Variants in AP3B1 observed in about 807,000 individuals in gnomAD.
The protein encoded by AP3B1 is AP-3 complex subunit beta-1.
Under a neutral mutation model 132.5 loss-of-function variants are expected in AP3B1, and 61 were observed. The ratio of observed to expected loss-of-function variants is 0.46; its 90% CI spans 0.37 to 0.57. The LOEUF is 0.57. Among genes scored for constraint, AP3B1 ranks in the 20% least tolerant of loss-of-function variants. The pLI, the probability that AP3B1 is intolerant of heterozygous loss-of-function variation, is 0.00. For synonymous variants in AP3B1, 388 were observed against 438.3 expected (o/e 0.89, Z 1.43); for missense variants, 1,120 against 1,289.4 (o/e 0.87, Z 2.01).
At chr5:78,081,377 G>A (rs1328768725) in intron 22 of AP3B1, among the ~76,000 whole-genome samples, 4 of 142,328 alleles carry the variant, frequency 2.8e-5, no homozygotes, top group African/African-American at 1.1e-4. Flanking sequence ...GCGCGATCTC[G>A]GCTCACTGCT....
At chr5:78,274,800 C>T (rs1000079189) in intron 1 of AP3B1, among the ~76,000 whole-genome samples, 8 of 152,062 alleles carry the variant, frequency 5.3e-5, no homozygotes, top group African/African-American at 1.9e-4. Flanking sequence ...ATAGTGTGCA[C>T]CTATAATCCT....
chr5:78,112,415 C>G (rs1156877404), intron 19 of AP3B1, among the ~76,000 whole-genome samples: 1 of 152,114 alleles, frequency 6.6e-6, no homozygotes, highest in Non-Finnish European at 1.5e-5. Context: ...TTGTAATAAA[C>G]AATTCTTTTA....
chr5:78,166,270 T>G (rs1561452024), intron 11 of AP3B1, among the ~76,000 whole-genome samples: 1 of 152,116 alleles, frequency 6.6e-6, no homozygotes, highest in Non-Finnish European at 1.5e-5. Context: ...AATTACTAGT[T>G]CTTTGAAAAC....
At chr5:78,279,615 A>G (rs189286803) in intron 1 of AP3B1, among the ~76,000 whole-genome samples, 184 of 152,012 alleles carry the variant, frequency 1.2e-3, no homozygotes, top group African/African-American at 3.5e-3. Context: ...TATATTAAGA[A>G]TATATTTCAA....
intron 1 of AP3B1, among the ~76,000 whole-genome samples, chr5:78,269,343 A>AT (rs1291669540): frequency 6.6e-6 from 1 of 152,178 alleles, no homozygotes; most frequent in Non-Finnish European, 1.5e-5. Flanking sequence ...GTTAAATGGT[A>AT]TAACTTTTCC....
chr5:78,193,756 A>ATATATATC (rs1744953026), intron 7 of AP3B1, among the ~76,000 whole-genome samples: 2 of 116,880 alleles, frequency 1.7e-5, no homozygotes, highest in Non-Finnish European at 3.5e-5. Flanking sequence ...ATATATATAT[A>ATATATATC]TATATATATA....
intron 26 of AP3B1, among the ~76,000 whole-genome samples, chr5:78,004,239 G>C (rs900049568): frequency 6.6e-6 from 1 of 152,136 alleles, no homozygotes; most frequent in African/African-American, 2.4e-5. Flanking sequence ...TAAAACTGCC[G>C]CGCTAACAGC....
intron 2 of AP3B1, among the ~76,000 whole-genome samples, chr5:78,245,374 C>A (rs1561499067): frequency 6.6e-6 from 1 of 152,218 alleles, no homozygotes; most frequent in Non-Finnish European, 1.5e-5. Context: ...CACGCCTGTT[C>A]ACATTCCAGT....
intron 1 of AP3B1, among the ~76,000 whole-genome samples, chr5:78,281,494 T>G (rs1047611071): frequency 6.6e-6 from 1 of 152,024 alleles, no homozygotes; most frequent in Non-Finnish European, 1.5e-5. Flanking sequence ...CATTATAATT[T>G]ATTTTTAAAA....
rs569279977 is a variant in AP3B1 at position 78,268,626 on chromosome 5, T to C, written c.129-1031A>G. Among the ~76,000 whole-genome samples the C allele has an allele frequency of 1.0e-3, 152 of 152,220 alleles. 2 individuals are homozygous for C. The highest frequency in any genetic ancestry group is 3.5e-3 in the African/African-American group (144 of 41,540). Reference sequence around the variant, plus strand: ...GCCCAACCTCTAATTCCAGGCATAGTCTTACTCGTAAACTAATGGAAACTT... The same window carrying C: ...GCCCAACCTCTAATTCCAGGCATAGCCTTACTCGTAAACTAATGGAAACTT... On this transcript the variant is annotated intron_variant, in intron 1 of 26. Coordinates refer to ENST00000255194, the MANE Select transcript of AP3B1 (RefSeq NM_003664.5).
intron 7 of AP3B1, among the ~76,000 whole-genome samples, chr5:78,188,421 G>A (rs1490301078): frequency 6.6e-6 from 1 of 151,970 alleles, no homozygotes; most frequent in Non-Finnish European, 1.5e-5. Context: ...TGGGCAAATG[G>A]TATGAACAGA....
chr5:78,082,127 A>G (rs1306779769), intron 22 of AP3B1, among the ~76,000 whole-genome samples: 1 of 152,142 alleles, frequency 6.6e-6, no homozygotes, highest in African/African-American at 2.4e-5. Flanking sequence ...TTTCCTGCAT[A>G]GTTCTAGTAT....
At chr5:78,103,786 T>C (rs1751223442) in intron 20 of AP3B1, among the ~76,000 whole-genome samples, 1 of 152,102 alleles carries the variant, frequency 6.6e-6, no homozygotes, top group Non-Finnish European at 1.5e-5. Context: ...CAAAATGCAA[T>C]ACAAAGTCAC....
At chr5:78,226,046 T>TA (rs1335083130) in intron 5 of AP3B1, among the ~76,000 whole-genome samples, 6 of 152,080 alleles carry the variant, frequency 3.9e-5, no homozygotes, top group Non-Finnish European at 7.4e-5. Context: ...AGTTCACTGA[T>TA]AGAGACATGC....
intron 22 of AP3B1, among the ~76,000 whole-genome samples, chr5:78,061,523 T>C (rs571562776): frequency 1.3e-5 from 2 of 152,350 alleles, no homozygotes; most frequent in East Asian, 1.9e-4. Context: ...ACCATCTATA[T>C]GATGCTGGTA....
At chr5:78,069,102 T>C (rs936186487) in intron 22 of AP3B1, among the ~76,000 whole-genome samples, 2 of 152,218 alleles carry the variant, frequency 1.3e-5, no homozygotes, top group Non-Finnish European at 2.9e-5. Context: ...TGATGGAACA[T>C]ACCTCAAAAT....
rs1357971765 is a variant in AP3B1, at chr5:78,039,294, G to GA, written c.2578-21dup. On this transcript the variant is annotated intron_variant, in intron 22 of 26. Coordinates refer to ENST00000255194, the MANE Select transcript of AP3B1 (RefSeq NM_003664.5). ...ACTGACCTATTACACACGGCAAAAA[G>GA]AAAAAAAGATGAGTTAGTGAATATA... The GA allele has an allele frequency of 1.3e-6, 2 of 1,563,756 alleles. No individual in the cohort carries two copies. Among genetic ancestry groups the GA allele is most frequent in the South Asian group, 1.1e-5 (1 of 89,722 alleles).
intron 1 of AP3B1, among the ~76,000 whole-genome samples, chr5:78,271,035 A>G (rs1748525792): frequency 6.6e-6 from 1 of 152,236 alleles, no homozygotes; most frequent in Non-Finnish European, 1.5e-5. Context: ...ATATAGGGGA[A>G]AAACTTTTGG....
chr5:78,051,318 T>C (rs1748574104), intron 22 of AP3B1, among the ~76,000 whole-genome samples: 1 of 152,096 alleles, frequency 6.6e-6, no homozygotes, highest in African/African-American at 2.4e-5. Flanking sequence ...AAATGAAAAA[T>C]ACTCTGTGCA....
Sources: allele counts gnomAD v4.1 joint callset (sites outside exome capture counted in the v4.1 genomes callset), GRCh38; gene constraint gnomAD v4.1.1; transcripts MANE v1.5; gene names NCBI Gene and HGNC (gene_info 2026-07-23, HGNC 2026-07-21).